COL26A1: variants seen among roughly 807,000 people sequenced by gnomAD.
The protein encoded by COL26A1 is collagen alpha-1(XXVI) chain.
A neutral mutation model predicts 59.3 loss-of-function variants in COL26A1; 41 were observed. The ratio of observed to expected loss-of-function variants is 0.69; its 90% CI spans 0.54 to 0.90. COL26A1 has a LOEUF of 0.90. COL26A1 is among the 40% of genes least tolerant of loss of function. The pLI is 0.00. For missense variants in COL26A1, 612 were observed against 602.3 expected (o/e 1.02, Z -0.17); for synonymous variants, 266 against 256.0 (o/e 1.04, Z -0.37).
At chr7:101,513,046 G>A (rs1467076893) in intron 3 of COL26A1, among the ~76,000 whole-genome samples, 1 of 151,658 alleles carries the variant, frequency 6.6e-6, no homozygotes, top group Non-Finnish European at 1.5e-5. Flanking sequence ...TCGCTCTGTC[G>A]CCCAGACTAG....
At chr7:101,367,722 A>G (rs1791083701) in intron 1 of COL26A1, among the ~76,000 whole-genome samples, 1 of 151,736 alleles carries the variant, frequency 6.6e-6, no homozygotes, top group Non-Finnish European at 1.5e-5. Context: ...TCTCTTTGCC[A>G]TGTGAGGACA....
At chr7:101,515,589 T>A (rs1795012773) in intron 3 of COL26A1, among the ~76,000 whole-genome samples, 1 of 148,622 alleles carries the variant, frequency 6.7e-6, no homozygotes, top group Admixed American at 6.7e-5. Context: ...TGGCTCTTTT[T>A]TTTTTTTCTT....
intron 1 of COL26A1, among the ~76,000 whole-genome samples, chr7:101,406,273 G>A (rs1289727344): frequency 6.6e-6 from 1 of 152,156 alleles, no homozygotes; most frequent in African/African-American, 2.4e-5. Context: ...GGAAACGCAG[G>A]CAGGTCTATC....
chr7:101,493,257 C>T (rs983981568), intron 3 of COL26A1, among the ~76,000 whole-genome samples: 31 of 151,400 alleles, frequency 2.0e-4, no homozygotes, highest in African/African-American at 7.5e-4. Flanking sequence ...CCCACCCCGC[C>T]CACTCTATCA....
intron 4 of COL26A1, among the ~76,000 whole-genome samples, chr7:101,534,338 C>G (rs971407304): frequency 6.6e-6 from 1 of 152,224 alleles, no homozygotes; most frequent in South Asian, 2.1e-4. Context: ...GCAGCAAGAA[C>G]CCCTAGAAGA....
chr7:101,521,072 A>G (rs941067476), intron 3 of COL26A1, among the ~76,000 whole-genome samples: 3 of 152,226 alleles, frequency 2.0e-5, no homozygotes. Flanking sequence ...GAAACTTACA[A>G]TCATGGTGGA....
intron 4 of COL26A1, among the ~76,000 whole-genome samples, chr7:101,536,382 C>T (rs1795483208): frequency 6.6e-6 from 1 of 152,254 alleles, no homozygotes. Context: ...GGGAAGGGAA[C>T]ACCAGCTGGG....
intron 1 of COL26A1, among the ~76,000 whole-genome samples, chr7:101,396,177 A>G (rs990912624): frequency 2.0e-5 from 3 of 151,822 alleles, no homozygotes; most frequent in Non-Finnish European, 1.5e-5. Flanking sequence ...TGAGGGGGGG[A>G]TAATTGCTTG....
chr7:101,505,985 G>A (rs555390925), intron 3 of COL26A1, among the ~76,000 whole-genome samples: 32 of 152,214 alleles, frequency 2.1e-4, no homozygotes, highest in African/African-American at 6.0e-4. Flanking sequence ...CTCCCAGCTC[G>A]TTACACCTTC....
intron 1 of COL26A1, among the ~76,000 whole-genome samples, chr7:101,370,979 C>A (rs753603474): frequency 6.6e-6 from 1 of 152,208 alleles, no homozygotes; most frequent in Non-Finnish European, 1.5e-5. Context: ...AGTTTCCCTC[C>A]TTGCAGATGG....
chr7:101,450,470 C>A (rs540281239), intron 3 of COL26A1, among the ~76,000 whole-genome samples: 1 of 152,172 alleles, frequency 6.6e-6, no homozygotes, highest in East Asian at 1.9e-4. Flanking sequence ...ATGTGGCCTG[C>A]GTTAGCATAG....
At chr7:101,420,750 T>G in intron 2 of COL26A1, among the ~76,000 whole-genome samples, 1 of 19,544 alleles carries the variant, frequency 5.1e-5, no homozygotes, top group African/African-American at 1.3e-4. Context: ...AGTCAGCCCT[T>G]CCCTCTCACC....
intron 8 of COL26A1, among the ~76,000 whole-genome samples, chr7:101,548,898 C>A (rs113368706): frequency 6.6e-6 from 1 of 152,138 alleles, no homozygotes; most frequent in Non-Finnish European, 1.5e-5. Context: ...CGGACTTCCT[C>A]CCTTGCCTGC....
At chr7:101,372,839 T>A (rs1447441654) in intron 1 of COL26A1, among the ~76,000 whole-genome samples, 1 of 151,906 alleles carries the variant, frequency 6.6e-6, no homozygotes, top group Non-Finnish European at 1.5e-5. Context: ...CTACCAAAAA[T>A]AAAAAATTAG....
intron 1 of COL26A1, among the ~76,000 whole-genome samples, chr7:101,377,174 TTTTTTCC>T (rs376642157): frequency 0.024 from 3,631 of 152,094 alleles, 155 homozygotes; most frequent in African/African-American, 0.081. Context: ...TTCTTTTTTC[TTTTTTCC>T]TTTTAAATAG....
chr7:101,418,132 TG>T (rs1792422255), intron 1 of COL26A1, among the ~76,000 whole-genome samples: 1 of 152,112 alleles, frequency 6.6e-6, no homozygotes, highest in South Asian at 2.1e-4. Context: ...CCCAAAATGC[TG>T]GGATTATGAG....
intron 3 of COL26A1, among the ~76,000 whole-genome samples, chr7:101,488,354 A>T (rs1296104576): frequency 1.1e-5 from 1 of 90,136 alleles, no homozygotes; most frequent in African/African-American, 5.8e-5. Flanking sequence ...TATTTAATAT[A>T]TATATATATA....
At chr7:101,534,254 C>A (rs1198186679) in intron 4 of COL26A1, among the ~76,000 whole-genome samples, 4 of 150,894 alleles carry the variant, frequency 2.7e-5, no homozygotes, top group African/African-American at 9.8e-5. Flanking sequence ...GTGGCATTGT[C>A]CAGAGAGAGT....
At chr7:101,422,627 G>T (rs1792549628) in intron 2 of COL26A1, among the ~76,000 whole-genome samples, 1 of 140,258 alleles carries the variant, frequency 7.1e-6, no homozygotes, top group Non-Finnish European at 1.5e-5. Context: ...TGGAGAAGTG[G>T]CTGTCCTACT....
Sources: allele counts gnomAD v4.1 joint callset (sites outside exome capture counted in the v4.1 genomes callset), GRCh38; gene constraint gnomAD v4.1.1; transcripts MANE v1.5; gene names NCBI Gene and HGNC (gene_info 2026-07-23, HGNC 2026-07-21).